CCDC171: variants seen among roughly 807,000 people sequenced by gnomAD.
The protein encoded by CCDC171 is coiled-coil domain containing 171, also known as coiled-coil domain-containing protein 171.
Under a neutral mutation model 168.2 loss-of-function variants are expected in CCDC171, and 177 were observed. The observed-to-expected ratio is 1.05, with a 90% confidence interval of 0.93 to 1.19. The LOEUF is 1.19. CCDC171 is among the 50% of genes most tolerant of loss of function. CCDC171 has a pLI of 0.00. For synonymous variants in CCDC171, 687 were observed against 540.8 expected (o/e 1.27, Z -3.75); for missense variants, 1,991 against 1,539.0 (o/e 1.29, Z -4.91).
At chr9:16,044,311 C>G (rs1313994679) in intron 1 of CCDC171, among the ~76,000 whole-genome samples, 1 of 152,172 alleles carries the variant, frequency 6.6e-6, no homozygotes, top group East Asian at 1.9e-4. Flanking sequence ...ATGTCCCTCC[C>G]TAGCCCAGTT....
At chr9:15,790,646 G>C (rs2058208891) in intron 21 of CCDC171, among the ~76,000 whole-genome samples, 1 of 152,108 alleles carries the variant, frequency 6.6e-6, no homozygotes, top group Non-Finnish European at 1.5e-5. Flanking sequence ...ATTGCCTTTG[G>C]TGTTTTAGAC....
chr9:15,881,049 A>G (rs927842215), intron 24 of CCDC171, among the ~76,000 whole-genome samples: 1 of 152,216 alleles, frequency 6.6e-6, no homozygotes, highest in African/African-American at 2.4e-5. Context: ...GCCAATGAGC[A>G]ATCTAAATGT....
chr9:15,640,821 C>G (rs569357001), intron 7 of CCDC171, among the ~76,000 whole-genome samples: 140 of 152,166 alleles, frequency 9.2e-4, no homozygotes, highest in African/African-American at 3.2e-3. Context: ...TTATCAAATA[C>G]TTGGAGACTC....
intron 25 of CCDC171, among the ~76,000 whole-genome samples, chr9:15,936,048 G>A (rs945619646): frequency 2.6e-5 from 4 of 152,036 alleles, no homozygotes; most frequent in African/African-American, 9.7e-5. Flanking sequence ...GATAAGATGT[G>A]ACTGTCACAT....
At chr9:15,921,060 C>A (rs1589133208) in intron 25 of CCDC171, among the ~76,000 whole-genome samples, 1 of 151,598 alleles carries the variant, frequency 6.6e-6, no homozygotes, top group South Asian at 2.1e-4. Context: ...TTTAAACTTT[C>A]CCTCAAAAGG....
At chr9:15,918,776 G>T (rs1041323578) in intron 24 of CCDC171, among the ~76,000 whole-genome samples, 1 of 151,288 alleles carries the variant, frequency 6.6e-6, no homozygotes, top group Non-Finnish European at 1.5e-5. Context: ...CTTGAACAGA[G>T]TATTATTAAT....
At chr9:15,905,012 A>T (rs1822324212) in intron 24 of CCDC171, among the ~76,000 whole-genome samples, 1 of 152,208 alleles carries the variant, frequency 6.6e-6, no homozygotes, top group African/African-American at 2.4e-5. Flanking sequence ...GAGCACTCAG[A>T]TTCATAAAGC....
intron 3 of CCDC171, among the ~76,000 whole-genome samples, chr9:15,998,431 C>T (rs879929420): frequency 2.0e-5 from 3 of 152,168 alleles, no homozygotes; most frequent in Non-Finnish European, 4.4e-5. Flanking sequence ...AGTTCCAAGT[C>T]TGTGGATCAG....
At chr9:15,673,386 A>G (rs1394200734) in intron 9 of CCDC171, among the ~76,000 whole-genome samples, 1 of 152,098 alleles carries the variant, frequency 6.6e-6, no homozygotes, top group Non-Finnish European at 1.5e-5. Context: ...TTCCAACACT[A>G]TGTTGAATTA....
Position 15,972,086 on chromosome 9 carries a change from A to T in CCDC171, c.*250A>T. On this transcript the variant is annotated 3_prime_UTR_variant, in exon 26 of 26. Coordinates refer to ENST00000380701, the MANE Select transcript of CCDC171 (RefSeq NM_173550.4). ...GTAACATATTTTTAAATGTTAAGGA[A>T]TGACACATTTTGGGTAATTTCCCTC... 1 of 457,880 alleles carries T rather than the reference A, an allele frequency of 2.2e-6. No homozygotes were observed. Among genetic ancestry groups the T allele is most frequent in the Non-Finnish European group, 3.9e-6 (1 of 259,356 alleles). 28.4% of individuals were successfully genotyped at this position (457,880 alleles called of 1,614,324 possible).
At chr9:15,667,536 C>G (rs1017310884) in intron 9 of CCDC171, among the ~76,000 whole-genome samples, 1 of 151,994 alleles carries the variant, frequency 6.6e-6, no homozygotes, top group Admixed American at 6.6e-5. Context: ...ATCCCACCTA[C>G]CTGGGAGGCT....
chr9:15,837,450 C>G (rs972500199), intron 21 of CCDC171, among the ~76,000 whole-genome samples: 1 of 152,172 alleles, frequency 6.6e-6, no homozygotes, highest in Non-Finnish European at 1.5e-5. Flanking sequence ...CACATACACC[C>G]TTATACAGGA....
chr9:15,764,502 A>C (rs2056618745), intron 18 of CCDC171, among the ~76,000 whole-genome samples: 1 of 152,174 alleles, frequency 6.6e-6, no homozygotes, highest in Non-Finnish European at 1.5e-5. Context: ...TGTGAAAGAA[A>C]GATAGGAATC....
chr9:15,562,995 A>T (rs2039434895), intron 1 of CCDC171, among the ~76,000 whole-genome samples: 1 of 152,116 alleles, frequency 6.6e-6, no homozygotes, highest in Non-Finnish European at 1.5e-5. Flanking sequence ...TTATAAAGTG[A>T]GGATAATAAC....
chr9:15,671,317 C>T (rs1173059608), intron 9 of CCDC171, among the ~76,000 whole-genome samples: 6 of 151,906 alleles, frequency 3.9e-5, no homozygotes, highest in African/African-American at 1.5e-4. Flanking sequence ...TCTACTTTTT[C>T]CAGTCTGGAA....
Position 15,778,969 on chromosome 9 carries a change from A to C in CCDC171, c.2900A>C (p.Lys967Thr). ...YGLRGHVPIT[K>T]STASLQKQIL... ...AAAATTGCTCTTGTTTAACAACAGA[A>C]AAGCACAGCATCGTTGCAGAAGCAA... Residue 967 changes from lysine to threonine, a missense_variant and splice_region_variant, in exon 20 of 26, where the codon AAA (lysine) becomes ACA (threonine). Coordinates refer to ENST00000380701, the MANE Select transcript of CCDC171 (RefSeq NM_173550.4). 1 of 1,500,334 alleles carries C rather than the reference A, an allele frequency of 6.7e-7. No homozygotes were observed. 92.9% of individuals were successfully genotyped at this position (1,500,334 alleles called of 1,614,324 possible). A position where few individuals can be genotyped will look rare whatever the true frequency, so the allele number is the denominator to read the frequency against.
At chr9:15,896,922 C>A (rs982711046) in intron 24 of CCDC171, among the ~76,000 whole-genome samples, 1 of 151,956 alleles carries the variant, frequency 6.6e-6, no homozygotes, top group Non-Finnish European at 1.5e-5. Flanking sequence ...ACTTGGTTCA[C>A]TAAAATCCTA....
intron 6 of CCDC171, among the ~76,000 whole-genome samples, chr9:16,033,198 G>A (rs563126960): frequency 6.6e-6 from 1 of 152,340 alleles, no homozygotes; most frequent in Admixed American, 6.5e-5. Context: ...GCTCTAGTAC[G>A]TGTCTGATAT....
intron 8 of CCDC171, among the ~76,000 whole-genome samples, chr9:15,665,114 G>C (rs142219703): frequency 0.013 from 1,996 of 152,024 alleles, 18 homozygotes; most frequent in Middle Eastern, 0.045. Flanking sequence ...CCCAGTTTCA[G>C]ACCTAAACAT....
Sources: allele counts gnomAD v4.1 joint callset (sites outside exome capture counted in the v4.1 genomes callset), GRCh38; gene constraint gnomAD v4.1.1; transcripts MANE v1.5; gene names NCBI Gene and HGNC (gene_info 2026-07-23, HGNC 2026-07-21).